The following NDRG4 variants were observed in gnomAD, a reference collection of about 807,000 sequenced individuals.
The protein encoded by NDRG4 is protein NDRG4.
Under a neutral mutation model 55.8 loss-of-function variants are expected in NDRG4, and 38 were observed. The ratio of observed to expected loss-of-function variants is 0.68; its 90% CI spans 0.53 to 0.89. NDRG4 has a LOEUF of 0.89. NDRG4 is among the 40% of genes least tolerant of loss of function. The probability of loss-of-function intolerance (pLI) is 0.00; values close to 1 mark genes in which losing one functional copy is unlikely to be tolerated. For missense variants in NDRG4, 455 were observed against 468.6 expected (o/e 0.97, Z 0.27); for synonymous variants, 190 against 182.7 (o/e 1.04, Z -0.32).
Position 58,507,978 on chromosome 16 carries a change from T to C in NDRG4, c.708T>C (p.Asn236=), listed in dbSNP as rs2038267336. 2.5e-6 allele frequency: 4 copies of C among 1,589,796 alleles called. No homozygotes were observed. Among genetic ancestry groups the C allele is most frequent in the Non-Finnish European group, 3.4e-6 (4 of 1,165,324 alleles). ...RCPVMLVVGD[N]APAEDGVVEC... ...CCGTGATGCTGGTGGTTGGGGATAA[T>C]GCACCCGCTGAGGACGGGGTGGTAA... The change falls in exon 10 of 15, where the codon AAT becomes AAC. Residue 236 remains asparagine, a synonymous_variant. Transcript: ENST00000570248.
intron 13 of NDRG4, among the ~76,000 whole-genome samples, chr16:58,510,380 C>G (rs1208534238): frequency 6.6e-6 from 1 of 152,234 alleles, no homozygotes; most frequent in Non-Finnish European, 1.5e-5. Context: ...ATGCAGGAGA[C>G]TGAGGCCTAG....
intron 1 of NDRG4, chr16:58,501,720 C>G (rs1455119828): frequency 3.5e-6 from 1 of 287,088 alleles, no homozygotes; most frequent in East Asian, 8.7e-5. Flanking sequence ...CCCTTCCCAT[C>G]CTGGGAGATG....
chr16:58,486,466 A>G (rs143752513), intron 1 of NDRG4, among the ~76,000 whole-genome samples: 15 of 152,242 alleles, frequency 9.9e-5, no homozygotes, highest in African/African-American at 3.6e-4. Context: ...GGCCAAAAAA[A>G]AAAAAAGTAT....
In NDRG4 at chr16:58,512,524, C is replaced by T; in HGVS notation, c.*948C>T. 4.5e-6 allele frequency: 1 copy of T among 220,582 alleles called. No homozygotes were observed. Among genetic ancestry groups the T allele is most frequent in the South Asian group, 5.4e-5 (1 of 18,376 alleles). The allele number at this position is 220,582 out of a possible 1,614,324, so 13.7% of individuals were successfully genotyped here. ...TAGCAGTGTGGTGTTTCAGGCAGAG[C>T]TCTGGCCAGGCTGTGCCAGTGTGTC... On this transcript the variant is annotated 3_prime_UTR_variant, in exon 15 of 15. Coordinates refer to ENST00000570248, the MANE Select transcript of NDRG4 (RefSeq NM_001242835.2).
chr16:58,476,414 T>C (rs1332573065), intron 1 of NDRG4, among the ~76,000 whole-genome samples: 2 of 152,350 alleles, frequency 1.3e-5, no homozygotes, highest in Middle Eastern at 3.4e-3. Context: ...TGTCCGTGCT[T>C]AACACCTGGA....
intron 1 of NDRG4, among the ~76,000 whole-genome samples, chr16:58,478,295 A>G (rs2033951696): frequency 6.6e-6 from 1 of 152,102 alleles, no homozygotes; most frequent in Non-Finnish European, 1.5e-5. Context: ...AGGCTGAGGC[A>G]GGAGAATCAC....
chr16:58,466,350 C>G (rs1464920572), intron 1 of NDRG4, among the ~76,000 whole-genome samples: 1 of 152,210 alleles, frequency 6.6e-6, no homozygotes, highest in Non-Finnish European at 1.5e-5. Context: ...GCATGGTGAA[C>G]AGATCTCCTG....
At chr16:58,487,986 G>C (rs1011247500) in intron 2 of NDRG4, 8 of 604,864 alleles carry the variant, frequency 1.3e-5, no homozygotes, top group Non-Finnish European at 2.1e-5. Context: ...CTGCCTGTGG[G>C]GGGAGTTCCG....
intron 1 of NDRG4, among the ~76,000 whole-genome samples, chr16:58,468,541 C>T (rs1057374088): frequency 3.9e-5 from 6 of 152,020 alleles, no homozygotes; most frequent in East Asian, 3.9e-4. Context: ...GTCAACATGG[C>T]GAAACCCCGT....
At chr16:58,499,750 G>A, upstream of NDRG4, 1 of 218,800 alleles carries the variant, frequency 4.6e-6, no homozygotes, top group Admixed American at 5.3e-5. Flanking sequence ...CAGTGCCCAT[G>A]CACCCTGCCC....
At position 58,506,938 on chromosome 16, in the gene NDRG4, G is replaced by A; in HGVS notation, c.543G>A (p.Leu181=). The A allele has an allele frequency of 1.2e-6, 2 of 1,614,110 alleles. No homozygotes were observed. Among genetic ancestry groups the A allele is most frequent in the Non-Finnish European group, 1.7e-6 (2 of 1,180,000 alleles). ...AGGAGCTGGTGAACAACACAGAGTT[G>A]GTGCAGAGCTACCGGCAGCAGATTG... ...SQEELVNNTE[L]VQSYRQQIGN... is the part of the protein sequence containing the mutation. Residue 181 remains leucine (L), a synonymous_variant, in exon 8 of 15, where the codon TTG becomes TTA. Transcript: ENST00000570248.
intron 5 of NDRG4, among the ~76,000 whole-genome samples, chr16:58,505,364 TAAAA>T (rs200722565): frequency 1.1e-5 from 1 of 92,126 alleles, no homozygotes; most frequent in Non-Finnish European, 2.2e-5. Context: ...AATAAAAAAA[TAAAA>T]AAAATCATTG....
chr16:58,493,052 G>C (rs2035985591), intron 2 of NDRG4, among the ~76,000 whole-genome samples: 1 of 152,164 alleles, frequency 6.6e-6, no homozygotes, highest in Non-Finnish European at 1.5e-5. Context: ...AGTGCCCTCT[G>C]ATTTTTCTCC....
rs2038884609 is a variant in NDRG4, at chr16:58,512,160, T to C, written c.*584T>C. 3 of 453,732 alleles carry C rather than the reference T, an allele frequency of 6.6e-6. No individual in the cohort carries two copies. The highest frequency in any genetic ancestry group is 8.9e-6 in the Non-Finnish European group (2 of 225,656). The allele number at this position is 453,732 out of a possible 1,614,324, so 28.1% of individuals were successfully genotyped here. A position where few individuals can be genotyped will look rare whatever the true frequency, so the allele number is the denominator to read the frequency against. ...CTGTAGGGCCACGCAGGCAGGGGCG[T>C]CAAGGGGTTTCTCTGCCCAAGGAAG... On this transcript the variant is annotated 3_prime_UTR_variant, in exon 15 of 15. Coordinates refer to ENST00000570248, the MANE Select transcript of NDRG4 (RefSeq NM_001242835.2).
chr16:58,465,066 G>A, intron 1 of NDRG4: 1 of 1,281,826 alleles, frequency 7.8e-7, no homozygotes, highest in Non-Finnish European at 1.0e-6. Flanking sequence ...CGGTCAGGAA[G>A]AGGAGGTGGG....
intron 1 of NDRG4, chr16:58,500,594 G>A (rs1361533647): frequency 5.6e-6 from 3 of 532,006 alleles, no homozygotes; most frequent in South Asian, 4.7e-5. Flanking sequence ...GTGTGGACCC[G>A]GGCGCTAGTG....
At position 58,476,925 on chromosome 16, in the gene NDRG4, A is replaced by G. The variant is rs139992292; in HGVS notation, c.-23-10831A>G. On this transcript the variant is annotated intron_variant, in intron 1 of 15. Coordinates refer to the NDRG4 transcript ENST00000258187. ...AACCCCTGAATGACAGGAACTCATC[A>G]TAAGGGTAGCAGTTCTGACACTACT... 2.6e-3 allele frequency among the ~76,000 whole-genome samples: 400 copies of G among 152,258 alleles called. 1 individual carries two copies. The highest frequency in any genetic ancestry group is 6.8e-3 in the Middle Eastern group (2 of 292).
chr16:58,506,752 C>A, intron 7 of NDRG4, 138 bp downstream of exon 7: 1 of 1,203,928 alleles, frequency 8.3e-7, no homozygotes, highest in Non-Finnish European at 1.2e-6. Context: ...GACAGACATC[C>A]CCTCCCAAGG....
intron 1 of NDRG4, chr16:58,487,683 C>G: frequency 7.9e-7 from 1 of 1,269,688 alleles, no homozygotes; most frequent in Non-Finnish European, 1.1e-6. Context: ...CCGCCCCAGC[C>G]CCGACTTGCG....
Sources: allele counts gnomAD v4.1 joint callset (sites outside exome capture counted in the v4.1 genomes callset), GRCh38; gene constraint gnomAD v4.1.1; transcripts MANE v1.5; gene names NCBI Gene and HGNC (gene_info 2026-07-23, HGNC 2026-07-21).